ANKS1B: variants seen among roughly 807,000 people sequenced by gnomAD.
ANKS1B encodes the protein ankyrin repeat and sterile alpha motif domain-containing protein 1B.
ANKS1B carries 36 observed loss-of-function variants against 148.3 expected under a neutral mutation model. The ratio of observed to expected loss-of-function variants is 0.24; its 90% confidence interval spans 0.19 to 0.32. The LOEUF (loss-of-function observed/expected upper bound fraction) is 0.32, where lower values mean the gene tolerates loss of function less well. Ranked by LOEUF, ANKS1B falls within the 10% of genes least tolerant of loss-of-function variation. ANKS1B has a pLI of 1.00. For missense variants in ANKS1B, 1,157 were observed against 1,542.6 expected (o/e 0.75, Z 4.19); for synonymous variants, 542 against 560.8 (o/e 0.97, Z 0.47).
intron 14 of ANKS1B, among the ~76,000 whole-genome samples, chr12:99,212,011 A>G (rs1255864170): frequency 1.3e-5 from 2 of 152,218 alleles, no homozygotes; most frequent in Non-Finnish European, 2.9e-5. Flanking sequence ...GCCACAAAGT[A>G]CAATGTAGAG....
At chr12:99,565,556 A>G (rs2097381655) in intron 9 of ANKS1B, among the ~76,000 whole-genome samples, 2 of 152,194 alleles carry the variant, frequency 1.3e-5, no homozygotes, top group Admixed American at 1.3e-4. Flanking sequence ...TTTCAAGGGC[A>G]GAGAATAATC....
intron 22 of ANKS1B, among the ~76,000 whole-genome samples, chr12:98,786,652 C>T (rs2153535987): frequency 6.6e-6 from 1 of 152,286 alleles, no homozygotes; most frequent in South Asian, 2.1e-4. Context: ...ACTCTAATCT[C>T]AGAGCAAGAC....
Position 99,378,974 on chromosome 12 carries a change from A to G in ANKS1B, c.1756+20657T>C, listed in dbSNP as rs371378109. 4.6e-5 allele frequency among the ~76,000 whole-genome samples: 7 copies of G among 152,298 alleles called. No homozygotes were observed. The East Asian group carries it at 9.7e-4, about 21-fold the overall frequency. ...ACCTATACTCTTCCATCCATTTGTA[A>G]TGGAAGCATCTATTGTGGTTAACCT... On this transcript the variant is annotated intron_variant, in intron 12 of 26. Coordinates refer to ENST00000683438, the MANE Select transcript of ANKS1B (RefSeq NM_001352186.2).
chr12:98,785,513 G>C (rs988030816), intron 22 of ANKS1B, among the ~76,000 whole-genome samples: 14 of 152,088 alleles, frequency 9.2e-5, no homozygotes, highest in Non-Finnish European at 1.9e-4. Flanking sequence ...AAAGATCAAA[G>C]TTATTGAGTC....
intron 17 of ANKS1B, among the ~76,000 whole-genome samples, chr12:98,866,170 G>T (rs1219964108): frequency 6.6e-6 from 1 of 152,074 alleles, no homozygotes; most frequent in Non-Finnish European, 1.5e-5. Flanking sequence ...CCCTAAAGAG[G>T]GCCTTTTTGA....
intron 17 of ANKS1B, chr12:99,048,893 C>T (rs2099964167): frequency 6.6e-6 from 1 of 152,206 alleles, no homozygotes; most frequent in Non-Finnish European, 1.5e-5. Context: ...TGATATATGC[C>T]TGGAAAAGTC....
chr12:98,876,210 T>C (rs974849721), intron 17 of ANKS1B, among the ~76,000 whole-genome samples: 2 of 152,196 alleles, frequency 1.3e-5, no homozygotes, highest in African/African-American at 2.4e-5. Flanking sequence ...TCATATTACA[T>C]TACCACTGGT....
chr12:99,936,527 T>G (rs2094775670), intron 1 of ANKS1B, among the ~76,000 whole-genome samples: 1 of 152,278 alleles, frequency 6.6e-6, no homozygotes, highest in African/African-American at 2.4e-5. Flanking sequence ...CCTCCCATAT[T>G]TGGTAACTGT....
intron 17 of ANKS1B, chr12:98,894,880 G>A: frequency 1.0e-6 from 1 of 957,216 alleles, no homozygotes; most frequent in Non-Finnish European, 1.2e-6. Flanking sequence ...CCCCGGGCCC[G>A]CGCGCGCGCC....
intron 1 of ANKS1B, among the ~76,000 whole-genome samples, chr12:99,845,437 G>A (rs1308698796): frequency 6.6e-6 from 1 of 152,064 alleles, no homozygotes; most frequent in East Asian, 1.9e-4. Context: ...TAATATGAAG[G>A]GATGCTGAAT....
intron 17 of ANKS1B, among the ~76,000 whole-genome samples, chr12:99,032,842 T>C (rs1214076487): frequency 6.6e-6 from 1 of 152,228 alleles, no homozygotes; most frequent in Non-Finnish European, 1.5e-5. Flanking sequence ...GAAACACGTG[T>C]TTTATTTCAC....
chr12:99,715,397 A>G (rs78656062), intron 8 of ANKS1B, among the ~76,000 whole-genome samples: 2,608 of 151,718 alleles, frequency 0.017, 73 homozygotes, highest in African/African-American at 0.06. Context: ...GTGACCCCCA[A>G]CTCCTGCCCA....
chr12:99,567,739 C>G (rs1480873253), intron 9 of ANKS1B, among the ~76,000 whole-genome samples: 1 of 152,138 alleles, frequency 6.6e-6, no homozygotes, highest in Non-Finnish European at 1.5e-5. Flanking sequence ...GATAATCATC[C>G]TGTCACAGAA....
chr12:99,820,570 G>C (rs2082387057), intron 2 of ANKS1B, among the ~76,000 whole-genome samples: 1 of 151,952 alleles, frequency 6.6e-6, no homozygotes, highest in African/African-American at 2.4e-5. Context: ...GACTGCTAAG[G>C]CTTGCTTGGG....
chr12:99,629,065 C>T (rs1199227791), intron 9 of ANKS1B, among the ~76,000 whole-genome samples: 7 of 152,104 alleles, frequency 4.6e-5, no homozygotes, highest in African/African-American at 1.7e-4. Context: ...ACAGCTATGT[C>T]CGTTCATTTT....
chr12:98,812,437 G>A (rs921478182), intron 19 of ANKS1B, among the ~76,000 whole-genome samples: 7 of 152,186 alleles, frequency 4.6e-5, no homozygotes, highest in East Asian at 1.9e-4. Context: ...TTTGCATGAC[G>A]AAATCACCTA....
intron 14 of ANKS1B, among the ~76,000 whole-genome samples, chr12:99,181,398 T>G (rs2079092622): frequency 6.6e-6 from 1 of 152,226 alleles, no homozygotes; most frequent in South Asian, 2.1e-4. Context: ...TAGCTTTCAT[T>G]TGGACAATGA....
intron 10 of ANKS1B, among the ~76,000 whole-genome samples, chr12:99,494,122 T>G (rs565114938): frequency 6.6e-6 from 1 of 152,208 alleles, no homozygotes; most frequent in African/African-American, 2.4e-5. Context: ...CAGATGGAGG[T>G]GTCGCCAACC....
intron 25 of ANKS1B, among the ~76,000 whole-genome samples, chr12:98,752,593 C>G (rs2098123394): frequency 6.6e-6 from 1 of 152,160 alleles, no homozygotes; most frequent in African/African-American, 2.4e-5. Context: ...AATAAATTGA[C>G]TGAGACTTGT....
Sources: gnomAD v4.1 joint callset for allele counts (sites outside exome capture counted in the v4.1 genomes callset) on GRCh38, gnomAD v4.1.1 for gene constraint, MANE v1.5 for transcripts, NCBI Gene and HGNC (gene_info 2026-07-23, HGNC 2026-07-21) for gene names.